Variants in SLC30A8 observed in about 807,000 individuals in gnomAD.
SLC30A8 encodes solute carrier family 30 member 8.
In SLC30A8, 27 loss-of-function variants were observed where a neutral mutation model predicts 36.9. The ratio of observed to expected loss-of-function variants is 0.73; its 90% CI spans 0.54 to 1.01. The LOEUF is 1.01. SLC30A8 is among the 50% of genes least tolerant of loss of function. The pLI is 0.00. For missense variants in SLC30A8, 439 were observed against 452.0 expected (o/e 0.97, Z 0.26); for synonymous variants, 164 against 172.4 (o/e 0.95, Z 0.38).
intron 1 of SLC30A8, among the ~76,000 whole-genome samples, chr8:116,978,245 GT>G (rs1815121374): frequency 6.6e-6 from 1 of 151,986 alleles, no homozygotes; most frequent in South Asian, 2.1e-4. Context: ...TTTAGTCAGT[GT>G]TTGATATTAT....
At chr8:116,955,032 T>C (rs1814140508) in intron 1 of SLC30A8, among the ~76,000 whole-genome samples, 1 of 152,230 alleles carries the variant, frequency 6.6e-6, no homozygotes, top group Admixed American at 6.5e-5. Flanking sequence ...TCTTGATGGC[T>C]TCCGTTGTCT....
At chr8:117,122,230 TAA>T (rs993933656) in intron 2 of SLC30A8, among the ~76,000 whole-genome samples, 68 of 151,918 alleles carry the variant, frequency 4.5e-4, no homozygotes, top group African/African-American at 1.6e-3. Flanking sequence ...AAATTGAGAT[TAA>T]GAGAATTGCT....
intron 1 of SLC30A8, among the ~76,000 whole-genome samples, chr8:117,145,139 C>T (rs1349503704): frequency 6.6e-6 from 1 of 152,080 alleles, no homozygotes; most frequent in East Asian, 1.9e-4. Flanking sequence ...GTATCTGAAA[C>T]CTGGCCCCTC....
intron 2 of SLC30A8, among the ~76,000 whole-genome samples, chr8:117,102,982 C>A (rs1033286121): frequency 1.3e-5 from 2 of 152,074 alleles, no homozygotes; most frequent in Non-Finnish European, 2.9e-5. Context: ...AATACATTCC[C>A]TCCATCCTAA....
At chr8:117,004,503 A>T (rs923959964) in intron 1 of SLC30A8, among the ~76,000 whole-genome samples, 2 of 152,062 alleles carry the variant, frequency 1.3e-5, no homozygotes, top group Non-Finnish European at 2.9e-5. Context: ...AGAGCTTTTG[A>T]TGGCGTCAAG....
chr8:117,027,799 A>G (rs1273709338), intron 1 of SLC30A8, among the ~76,000 whole-genome samples: 1 of 152,110 alleles, frequency 6.6e-6, no homozygotes, highest in Non-Finnish European at 1.5e-5. Flanking sequence ...CCCTGCTGTC[A>G]CCTTTGGAGA....
intron 2 of SLC30A8, among the ~76,000 whole-genome samples, chr8:117,047,849 C>T (rs978819457): frequency 2.6e-5 from 4 of 152,164 alleles, no homozygotes; most frequent in Non-Finnish European, 5.9e-5. Flanking sequence ...AGAAGCCAGC[C>T]AAAACCCACC....
At chr8:117,038,872 TGTTTGC>T (rs1817298199) in intron 1 of SLC30A8, among the ~76,000 whole-genome samples, 1 of 152,176 alleles carries the variant, frequency 6.6e-6, no homozygotes, top group African/African-American at 2.4e-5. Flanking sequence ...ATCCCACAAG[TGTTTGC>T]CTTGGTGTTT....
chr8:117,022,026 C>G (rs1009008514), intron 1 of SLC30A8, among the ~76,000 whole-genome samples: 5 of 151,546 alleles, frequency 3.3e-5, no homozygotes, highest in Non-Finnish European at 7.4e-5. Context: ...AGGTAAGTTC[C>G]TTCTCTACTA....
chr8:117,172,496 T>A (rs751462836), intron 7 of SLC30A8, 40 bp from the exon 8 acceptor site: 13 of 1,613,068 alleles, frequency 8.1e-6, no homozygotes, highest in Non-Finnish European at 1.1e-5. Context: ...CCCATGCGTG[T>A]GCAATCAGTG....
intron 1 of SLC30A8, among the ~76,000 whole-genome samples, chr8:117,136,626 T>C (rs1821372355): frequency 6.6e-6 from 1 of 151,898 alleles, no homozygotes; most frequent in Admixed American, 6.6e-5. Context: ...TCTTAGAAAA[T>C]AATATTAGAT....
chr8:117,004,908 G>T (rs188078654), intron 1 of SLC30A8, among the ~76,000 whole-genome samples: 1 of 151,784 alleles, frequency 6.6e-6, no homozygotes, highest in Non-Finnish European at 1.5e-5. Context: ...ATTTTCAAAG[G>T]TTGATATATT....
At chr8:116,961,210 A>G (rs557207971) in intron 1 of SLC30A8, among the ~76,000 whole-genome samples, 63 of 152,294 alleles carry the variant, frequency 4.1e-4, no homozygotes, top group Admixed American at 7.8e-4. Flanking sequence ...TGGTTGGATC[A>G]CGAGGTCAGG....
At chr8:117,111,170 C>A (rs1465510484) in intron 2 of SLC30A8, among the ~76,000 whole-genome samples, 1 of 152,132 alleles carries the variant, frequency 6.6e-6, no homozygotes, top group Non-Finnish European at 1.5e-5. Flanking sequence ...TAACACAGGA[C>A]AAATCCTGGC....
chr8:117,050,047 C>T (rs1817661401), intron 2 of SLC30A8, among the ~76,000 whole-genome samples: 2 of 152,172 alleles, frequency 1.3e-5, no homozygotes, highest in African/African-American at 4.8e-5. Context: ...GGACCTTGCA[C>T]AAATTGTACT....
intron 1 of SLC30A8, among the ~76,000 whole-genome samples, chr8:116,958,811 G>A (rs78731863): frequency 0.023 from 3,059 of 135,210 alleles, 113 homozygotes; most frequent in African/African-American, 0.079. Context: ...ACCTCTTGAA[G>A]TTGTCCTATA....
intron 6 of SLC30A8, 102 bp downstream of exon 6, chr8:117,163,632 T>C: frequency 3.6e-6 from 3 of 832,384 alleles, no homozygotes; most frequent in Non-Finnish European, 5.3e-6. Flanking sequence ...ATTTGAATTA[T>C]GGGAAAAATT....
At position 117,174,454 on chromosome 8, in the gene SLC30A8, C is replaced by T. The variant is rs998676674; in HGVS notation, c.*1773C>T. ...CTCAGTAGAGACAAATATACTCATCCCCCACCTCAGTGAGCTTGTTTAGGC... is the reference window on the plus strand; with the variant it reads ...CTCAGTAGAGACAAATATACTCATCTCCCACCTCAGTGAGCTTGTTTAGGC... On this transcript the variant is annotated 3_prime_UTR_variant, in exon 8 of 8. Transcript: ENST00000456015. The T allele has an allele frequency of 6.6e-6, 1 of 152,498 alleles. No individual in the cohort carries two copies. The highest frequency in any genetic ancestry group is 6.6e-5 in the Admixed American group (1 of 15,260). 9.4% of individuals were successfully genotyped at this position (152,498 alleles called of 1,614,324 possible).
At chr8:117,011,326 C>T (rs1816338018) in intron 1 of SLC30A8, among the ~76,000 whole-genome samples, 1 of 152,162 alleles carries the variant, frequency 6.6e-6, no homozygotes, top group South Asian at 2.1e-4. Flanking sequence ...TCTTGACCAA[C>T]GTTTCATTTT....
Sources: gnomAD v4.1 joint callset for allele counts (sites outside exome capture counted in the v4.1 genomes callset) on GRCh38, gnomAD v4.1.1 for gene constraint, MANE v1.5 for transcripts, NCBI Gene and HGNC (gene_info 2026-07-23, HGNC 2026-07-21) for gene names.